The following DCDC2C variants were observed in gnomAD, a reference collection of about 807,000 sequenced individuals.
The protein encoded by DCDC2C is doublecortin domain-containing protein 2C.
A neutral mutation model predicts 45.0 loss-of-function variants in DCDC2C; 44 were observed. The ratio of observed to expected loss-of-function variants is 0.98; its 90% CI spans 0.77 to 1.26. DCDC2C has a LOEUF of 1.26. Ranked by LOEUF, DCDC2C falls within the 50% of genes most tolerant of loss-of-function variation. The probability of loss-of-function intolerance (pLI) is 0.00; values close to 1 mark genes in which losing one functional copy is unlikely to be tolerated. For missense variants in DCDC2C, 447 were observed against 468.9 expected (o/e 0.95, Z 0.43); for synonymous variants, 187 against 178.8 (o/e 1.05, Z -0.37).
chr2:3,773,910 T>G (rs1220115082), intron 8 of DCDC2C, among the ~76,000 whole-genome samples: 1 of 152,236 alleles, frequency 6.6e-6, no homozygotes, highest in Non-Finnish European at 1.5e-5. Flanking sequence ...TCTACTCTTC[T>G]AAAATCCAGT....
chr2:3,819,360 G>C (rs1205320883), intron 10 of DCDC2C, among the ~76,000 whole-genome samples: 5 of 152,254 alleles, frequency 3.3e-5, no homozygotes, highest in Non-Finnish European at 5.9e-5. Context: ...TCCGGCACTT[G>C]AAGCAAGATC....
intron 4 of DCDC2C, among the ~76,000 whole-genome samples, chr2:3,749,309 G>A (rs1315303951): frequency 6.6e-6 from 1 of 152,170 alleles, no homozygotes; most frequent in Non-Finnish European, 1.5e-5. Flanking sequence ...ATGTTATGAT[G>A]CAAAGCACTT....
At chr2:3,728,611 G>A (rs1668768094) in intron 3 of DCDC2C, among the ~76,000 whole-genome samples, 1 of 152,190 alleles carries the variant, frequency 6.6e-6, no homozygotes, top group South Asian at 2.1e-4. Context: ...TTGTCTTGGT[G>A]TGTTGGAATT....
chr2:3,717,407 C>T (rs868290704), intron 2 of DCDC2C, among the ~76,000 whole-genome samples: 5 of 152,260 alleles, frequency 3.3e-5, no homozygotes, highest in Admixed American at 6.5e-5. Context: ...AACCCAGAAA[C>T]GTGAGCATTT....
At chr2:3,729,703 C>T (rs1175785858) in intron 3 of DCDC2C, among the ~76,000 whole-genome samples, 1 of 152,192 alleles carries the variant, frequency 6.6e-6, no homozygotes, top group Non-Finnish European at 1.5e-5. Flanking sequence ...AACGTGTCTG[C>T]ATGGCAAGAG....
intron 2 of DCDC2C, among the ~76,000 whole-genome samples, chr2:3,721,056 T>G (rs1278713748): frequency 1.3e-5 from 2 of 152,214 alleles, no homozygotes; most frequent in African/African-American, 4.8e-5. Context: ...TTTATAACAT[T>G]CTCTTATTCT....
At chr2:3,786,145 C>A (rs997691263) in intron 10 of DCDC2C, among the ~76,000 whole-genome samples, 1 of 152,196 alleles carries the variant, frequency 6.6e-6, no homozygotes, top group African/African-American at 2.4e-5. Context: ...CTTGCCTATG[C>A]ACAGAGCCTC....
intron 10 of DCDC2C, among the ~76,000 whole-genome samples, chr2:3,790,508 C>T (rs183132420): frequency 2.9e-4 from 44 of 152,310 alleles, no homozygotes; most frequent in Non-Finnish European, 5.6e-4. Context: ...ATTTAATTAA[C>T]ATTGCCAGAA....
At chr2:3,822,859 A>G (rs961988469) in intron 10 of DCDC2C, among the ~76,000 whole-genome samples, 2 of 152,092 alleles carry the variant, frequency 1.3e-5, no homozygotes, top group Non-Finnish European at 2.9e-5. Flanking sequence ...TAATTGAATC[A>G]TAAGGGGTGG....
At chr2:3,780,257 G>A (rs191777230) in intron 9 of DCDC2C, among the ~76,000 whole-genome samples, 195 of 152,274 alleles carry the variant, frequency 1.3e-3, no homozygotes, top group African/African-American at 4.5e-3. Flanking sequence ...TTACCCTCAA[G>A]GAGAGGGTGC....
chr2:3,829,407 C>A (rs2148232775), intron 10 of DCDC2C, among the ~76,000 whole-genome samples: 1 of 150,100 alleles, frequency 6.7e-6, no homozygotes, highest in Admixed American at 6.7e-5. Context: ...TATTGATTGT[C>A]ATTCAAAAAG....
At chr2:3,782,827 C>T (rs1437061761) in intron 9 of DCDC2C, among the ~76,000 whole-genome samples, 1 of 152,210 alleles carries the variant, frequency 6.6e-6, no homozygotes, top group Non-Finnish European at 1.5e-5. Context: ...GGTTCTAAAA[C>T]ATCTTATGTG....
chr2:3,725,333 G>C (rs1668612689), intron 2 of DCDC2C, among the ~76,000 whole-genome samples: 3 of 152,132 alleles, frequency 2.0e-5, no homozygotes, highest in South Asian at 2.1e-4. Context: ...TGCAGCAGAG[G>C]CCCCGGGAAG....
At chr2:3,838,466 G>C (rs1482159178) in intron 10 of DCDC2C, among the ~76,000 whole-genome samples, 1 of 151,634 alleles carries the variant, frequency 6.6e-6, no homozygotes, top group Non-Finnish European at 1.5e-5. Context: ...GAGAGAGAGA[G>C]AGAGAGAGAG....
intron 1 of DCDC2C, among the ~76,000 whole-genome samples, chr2:3,706,679 C>T (rs1441446319): frequency 1.3e-5 from 2 of 152,160 alleles, no homozygotes; most frequent in Non-Finnish European, 2.9e-5. Context: ...ATCAAAGTCT[C>T]CTCGTTCTTC....
chr2:3,810,422 T>A (rs1671366795), intron 10 of DCDC2C, among the ~76,000 whole-genome samples: 1 of 152,248 alleles, frequency 6.6e-6, no homozygotes, highest in Admixed American at 6.5e-5. Flanking sequence ...CTTTTACCAC[T>A]TTTTGATGGG....
At chr2:3,739,469 C>CG (rs1450824675) in intron 3 of DCDC2C, among the ~76,000 whole-genome samples, 1 of 152,142 alleles carries the variant, frequency 6.6e-6, no homozygotes, top group African/African-American at 2.4e-5. Context: ...GGCTGGACGT[C>CG]GGGAGGAGCA....
At chr2:3,802,119 G>C (rs1671129988) in intron 10 of DCDC2C, among the ~76,000 whole-genome samples, 1 of 152,208 alleles carries the variant, frequency 6.6e-6, no homozygotes, top group Admixed American at 6.5e-5. Context: ...GTCGTTCATG[G>C]AAAGTTATGC....
intron 9 of DCDC2C, among the ~76,000 whole-genome samples, chr2:3,781,234 C>A (rs1043081257): frequency 7.9e-5 from 12 of 152,244 alleles, no homozygotes; most frequent in Admixed American, 6.5e-5. Flanking sequence ...GGCCAATAGG[C>A]CACGGTGAGC....
Sources: allele counts gnomAD v4.1 joint callset (sites outside exome capture counted in the v4.1 genomes callset), GRCh38; gene constraint gnomAD v4.1.1; transcripts MANE v1.5; gene names NCBI Gene and HGNC (gene_info 2026-07-23, HGNC 2026-07-21).